ITIH2: variants seen among roughly 807,000 people sequenced by gnomAD.
ITIH2 encodes inter-alpha-trypsin inhibitor heavy chain 2, also known as inter-alpha-trypsin inhibitor heavy chain H2.
ITIH2 carries 103 observed loss-of-function variants against 104.4 expected under a neutral mutation model. The observed-to-expected ratio is 0.99, with a 90% CI of 0.84 to 1.16. The LOEUF is 1.16. Ranked by LOEUF, ITIH2 falls within the 50% of genes most tolerant of loss-of-function variation. The probability of loss-of-function intolerance (pLI) is 0.00; values close to 1 mark genes in which losing one functional copy is unlikely to be tolerated. For missense variants in ITIH2, 1,108 were observed against 1,162.4 expected (o/e 0.95, Z 0.68); for synonymous variants, 436 against 435.4 (o/e 1.00, Z -0.02).
In ITIH2 at chr10:7,718,790, G is replaced by C. The variant is rs537832823; in HGVS notation, c.630+1002G>C. The stretch of plus-strand genomic sequence containing the variant: ...GAGAATGTGCAGTACTTGGTTTCCT[G>C]TTCCTGTAATATGTGGCCAATGACA... On this transcript the variant is annotated intron_variant, in intron 6 of 20. Coordinates refer to ENST00000358415, the MANE Select transcript of ITIH2 (RefSeq NM_002216.3). Among the ~76,000 whole-genome samples, 550 of 152,240 alleles carry C rather than the reference G, an allele frequency of 3.6e-3. 4 individuals carry two copies. Among genetic ancestry groups the C allele is most frequent in the African/African-American group, 0.013 (526 of 41,526 alleles).
rs1369024364 is a variant in ITIH2 at position 7,744,105 on chromosome 10, G to A, written c.2233G>A (p.Val745Ile). The A allele has an allele frequency of 1.9e-6, 3 of 1,614,042 alleles. No homozygotes were observed. The Admixed American group carries it at 5.0e-5, about 27-fold the overall frequency. Residue 745 changes from valine to isoleucine, a missense_variant, in exon 18 of 21, where the codon GTT becomes ATT. Coordinates refer to ENST00000358415, the MANE Select transcript of ITIH2 (RefSeq NM_002216.3). ...AGGAATTGTAGTCAACGGTCAGCTT[G>A]TTGGTGCCAAGAAGCCCAACAATGG... is the stretch of plus-strand genomic sequence containing the variant. ...ESGIVVNGQL[V>I]GAKKPNNGKL...
At chr10:7,731,734 A>T in intron 12 of ITIH2, 77 bp from the exon 13 acceptor site, 1 of 1,083,134 alleles carries the variant, frequency 9.2e-7, no homozygotes. Context: ...CAAAATAAAT[A>T]AATAAATAAA....
At chr10:7,721,602 T>C (rs952209398) in intron 7 of ITIH2, 47 bp from the exon 8 acceptor site, 6 of 1,585,392 alleles carry the variant, frequency 3.8e-6, no homozygotes, top group Non-Finnish European at 5.2e-6. Flanking sequence ...CGCCAAGCAC[T>C]GGGAAGGGGC....
intron 12 of ITIH2, among the ~76,000 whole-genome samples, chr10:7,731,066 G>T (rs1317108921): frequency 6.6e-6 from 1 of 152,060 alleles, no homozygotes; most frequent in Non-Finnish European, 1.5e-5. Context: ...TTACAGGCAT[G>T]TGCCACCAGG....
intron 16 of ITIH2, among the ~76,000 whole-genome samples, chr10:7,741,966 C>A (rs1588461573): frequency 6.6e-6 from 1 of 152,210 alleles, no homozygotes; most frequent in East Asian, 1.9e-4. Context: ...GAAGCCACCT[C>A]CTCCATTCAG....
At chr10:7,723,416 C>T in intron 8 of ITIH2, 35 bp from the exon 9 acceptor site, 1 of 1,334,344 alleles carries the variant, frequency 7.5e-7, no homozygotes, top group Non-Finnish European at 1.1e-6. Context: ...AAACACGAAT[C>T]ATGATTTGAC....
chr10:7,732,191 A>G, intron 13 of ITIH2, 147 bp from the exon 14 acceptor site: 1 of 1,007,138 alleles, frequency 9.9e-7, no homozygotes, highest in Non-Finnish European at 1.5e-6. Flanking sequence ...CCCAATCCCA[A>G]GCACAGGAAT....
chr10:7,735,830 G>A (rs1392331219), intron 15 of ITIH2, among the ~76,000 whole-genome samples: 5 of 151,696 alleles, frequency 3.3e-5, no homozygotes, highest in African/African-American at 9.7e-5. Flanking sequence ...GTGCCACCAC[G>A]CCCAGCTAAT....
intron 14 of ITIH2, among the ~76,000 whole-genome samples, chr10:7,734,697 A>C (rs1255990335): frequency 6.6e-6 from 1 of 152,230 alleles, no homozygotes; most frequent in African/African-American, 2.4e-5. Flanking sequence ...CTTGTCTCAA[A>C]AATAATAATG....
At chr10:7,712,486 T>A (rs1470268180) in intron 4 of ITIH2, among the ~76,000 whole-genome samples, 1 of 152,178 alleles carries the variant, frequency 6.6e-6, no homozygotes, top group Non-Finnish European at 1.5e-5. Context: ...AATGACCTGA[T>A]GAACCAGTAA....
At chr10:7,734,240 T>C (rs1487176889) in intron 14 of ITIH2, among the ~76,000 whole-genome samples, 3 of 152,172 alleles carry the variant, frequency 2.0e-5, no homozygotes, top group Non-Finnish European at 4.4e-5. Flanking sequence ...GCTTCTTCCA[T>C]TGTAACAAAT....
chr10:7,736,808 GA>G (rs1393161881), intron 15 of ITIH2, among the ~76,000 whole-genome samples: 1 of 152,182 alleles, frequency 6.6e-6, no homozygotes, highest in East Asian at 1.9e-4. Context: ...ACTTTTAAGA[GA>G]ACTTGTATGG....
At chr10:7,742,320 C>T (rs905672085) in intron 16 of ITIH2, among the ~76,000 whole-genome samples, 1 of 152,128 alleles carries the variant, frequency 6.6e-6, no homozygotes, top group South Asian at 2.1e-4. Flanking sequence ...GGTTCAATAA[C>T]AAAGGAGTAC....
At position 7,721,759 on chromosome 10, in the gene ITIH2, G is replaced by A. The variant is rs1834906239; in HGVS notation, c.849G>A (p.Glu283=). The part of the protein sequence containing the change: ...LVVLYDVKRE[E]KAGELEVFNG... ...TGCTGTATGACGTGAAAAGAGAAGA[G>A]AAGGCTGGTGAACTGGAGGTGAGTG... The change falls in exon 8 of 21, where the codon GAG becomes GAA. Residue 283 remains glutamate, a synonymous_variant. Transcript: ENST00000358415. 3 of 1,614,042 alleles carry A rather than the reference G, an allele frequency of 1.9e-6. No homozygotes were observed. The highest frequency in any genetic ancestry group is 1.3e-5 in the African/African-American group (1 of 75,050).
chr10:7,721,113 C>T lies in ITIH2; in HGVS notation c.738+150C>T, dbSNP rs1207024405. 5.0e-6 allele frequency: 3 copies of T among 600,698 alleles called. No homozygotes were observed. The African/African-American group carries it at 5.6e-5, about 11-fold the overall frequency. The allele number at this position is 600,698 out of a possible 1,614,324, so 37.2% of individuals were successfully genotyped here. A position where few individuals can be genotyped will look rare whatever the true frequency, so the allele number is the denominator to read the frequency against. ...GATCCCCAAGTAGAGCCTAGGGCCT[C>T]CCCAGGATACACAGAACAACACTCC... On this transcript the variant is annotated intron_variant, in intron 7 of 20. Transcript: ENST00000358415.
chr10:7,744,129 G>A lies in ITIH2; in HGVS notation c.2257G>A (p.Gly753Arg), dbSNP rs370155766. The stretch of plus-strand genomic sequence containing the variant: ...TGTTGGTGCCAAGAAGCCCAACAAT[G>A]GAAAACTAAGCACCTATTTTGGAAA... ...QLVGAKKPNNGKLSTYFGKLG... is the reference protein window; with the variant it reads ...QLVGAKKPNNRKLSTYFGKLG... The change falls in exon 18 of 21, where the codon GGA (glycine) becomes AGA (arginine). Residue 753 changes from glycine to arginine, a missense_variant. Gly to Arg is a moderately radical substitution (Grantham distance 125). Coordinates refer to ENST00000358415, the MANE Select transcript of ITIH2 (RefSeq NM_002216.3). 6.2e-6 allele frequency: 10 copies of A among 1,614,006 alleles called. No individual in the cohort carries two copies. In the East Asian group the frequency reaches 1.8e-4, roughly 29 times the overall value.
intron 5 of ITIH2, among the ~76,000 whole-genome samples, chr10:7,713,983 T>C (rs1025711395): frequency 1.3e-5 from 2 of 152,008 alleles, no homozygotes; most frequent in Non-Finnish European, 2.9e-5. Context: ...ACCACCATGC[T>C]GGGCTGCGAT....
chr10:7,732,072 C>G, intron 13 of ITIH2, 76 bp downstream of exon 13: 3 of 1,191,022 alleles, frequency 2.5e-6, no homozygotes, highest in Non-Finnish European at 3.7e-6. Flanking sequence ...TCAGCTCTGC[C>G]TGCCTGGAAT....
intron 19 of ITIH2, among the ~76,000 whole-genome samples, chr10:7,745,850 G>A (rs1265344598): frequency 6.6e-6 from 1 of 151,226 alleles, no homozygotes; most frequent in African/African-American, 2.4e-5. Flanking sequence ...TGCCTCCCCG[G>A]TTCATGCGAT....
Sources: allele counts gnomAD v4.1 joint callset (sites outside exome capture counted in the v4.1 genomes callset), GRCh38; gene constraint gnomAD v4.1.1; transcripts MANE v1.5; gene names NCBI Gene and HGNC (gene_info 2026-07-23, HGNC 2026-07-21).